The following CAMK2B variants were observed in gnomAD, a reference collection of about 807,000 sequenced individuals.
CAMK2B encodes calcium/calmodulin-dependent protein kinase type II subunit beta.
CAMK2B carries 27 observed loss-of-function variants against 93.7 expected under a neutral mutation model. The observed-to-expected ratio is 0.29, with a 90% confidence interval of 0.21 to 0.40. The LOEUF is 0.40. CAMK2B is among the 10% of genes least tolerant of loss of function. The pLI is 1.00. For missense variants in CAMK2B, 568 were observed against 895.8 expected (o/e 0.63, Z 4.67); for synonymous variants, 374 against 358.8 (o/e 1.04, Z -0.48).
intron 1 of CAMK2B, among the ~76,000 whole-genome samples, chr7:44,309,514 G>A (rs1400666703): frequency 6.6e-6 from 1 of 152,178 alleles, no homozygotes; most frequent in Non-Finnish European, 1.5e-5. Flanking sequence ...CCCCAGCTCC[G>A]TCGCGCCCCT....
chr7:44,239,509 C>A, intron 13 of CAMK2B, 80 bp downstream of exon 13: 1 of 1,337,108 alleles, frequency 7.5e-7, no homozygotes, highest in Non-Finnish European at 1.0e-6. Flanking sequence ...GCCCGGCCAG[C>A]GGCTGCGTGC....
chr7:44,305,915 T>A (rs1791348165), intron 1 of CAMK2B, among the ~76,000 whole-genome samples: 1 of 151,326 alleles, frequency 6.6e-6, no homozygotes, highest in Non-Finnish European at 1.5e-5. Context: ...GGCATCTTCA[T>A]ACCACAGAAA....
rs1283939299 is a variant in CAMK2B at position 44,286,493 on chromosome 7, G to A, written c.66-2268C>T. ...GGAGCAGGGAGGAGACCCAAGCGCA[G>A]CTTCCCACCAGCACAGCAGGCTCCC... is the stretch of plus-strand genomic sequence containing the variant. On this transcript the variant is annotated intron_variant, in intron 1 of 23. Transcript: ENST00000395749. This position sits in a 1 kb window ranked among gnomAD's most constrained non-coding sequence, Gnocchi z 4.0. Among the ~76,000 whole-genome samples the A allele has an allele frequency of 6.6e-6, 1 of 152,220 alleles. No homozygotes were observed. Among genetic ancestry groups the A allele is most frequent in the Non-Finnish European group, 1.5e-5 (1 of 68,040 alleles).
At chr7:44,296,218 T>C (rs1209696733) in intron 1 of CAMK2B, among the ~76,000 whole-genome samples, 1 of 152,096 alleles carries the variant, frequency 6.6e-6, no homozygotes, top group Non-Finnish European at 1.5e-5. Flanking sequence ...ATGGGAGAAG[T>C]GGACAACATA....
intron 2 of CAMK2B, chr7:44,264,083 C>T (rs753949051): frequency 6.5e-5 from 10 of 154,228 alleles, no homozygotes; most frequent in Admixed American, 6.5e-5. Flanking sequence ...GCCCCCTCTA[C>T]CTGCCCAGTG....
chr7:44,225,741 C>T lies in CAMK2B; in HGVS notation c.1597+775G>A. On this transcript the variant is annotated intron_variant, in intron 20 of 23. Coordinates refer to ENST00000395749, the MANE Select transcript of CAMK2B (RefSeq NM_001220.5). This position sits in a 1 kb window ranked among gnomAD's most constrained non-coding sequence, Gnocchi z 5.0. ...AGAGGGGACGGTGGCAAGCAGACCC[C>T]ACCTGTCCCTCAAGTACTTACCTAG... The T allele has an allele frequency of 7.8e-7, 1 of 1,289,436 alleles. No individual in the cohort carries two copies. Among genetic ancestry groups the T allele is most frequent in the Non-Finnish European group, 1.0e-6 (1 of 988,768 alleles). The allele number at this position is 1,289,436 out of a possible 1,614,324, so 79.9% of individuals were successfully genotyped here. A position where few individuals can be genotyped will look rare whatever the true frequency, so the allele number is the denominator to read the frequency against.
Position 44,228,926 on chromosome 7 carries a change from T to A in CAMK2B, c.1340-2A>T, listed in dbSNP as rs142386444. ...TCAGGATGTCAGAGATCCTGGGGGC[T>A]GGGGTGGAACAGATGAGACGTGAAC... On this transcript the variant is annotated splice_acceptor_variant, in intron 18 of 23. Transcript: ENST00000395749. LOFTEE classifies it high-confidence loss of function. The A allele has an allele frequency of 7.3e-5, 117 of 1,607,404 alleles. No homozygotes were observed. In the African/African-American group the frequency reaches 1.4e-3, roughly 20 times the overall value.
In CAMK2B at chr7:44,234,764, T is replaced by C; in HGVS notation, c.1022-88A>G. ...CCCACCCCTTTGCCTGACCCCACTC[T>C]TTCCCCAGGAGCAAGCCCAGGGTCC... On this transcript the variant is annotated intron_variant, in intron 13 of 23. Transcript: ENST00000395749. 3 of 1,410,550 alleles carry C rather than the reference T, an allele frequency of 2.1e-6. No homozygotes were observed. In the South Asian group the frequency reaches 3.6e-5, roughly 17 times the overall value. The allele number at this position is 1,410,550 out of a possible 1,614,324, so 87.4% of individuals were successfully genotyped here.
At chr7:44,229,265 G>A in intron 18 of CAMK2B, 123 bp downstream of exon 18, 2 of 669,746 alleles carry the variant, frequency 3.0e-6, no homozygotes, top group Admixed American at 3.1e-5. Flanking sequence ...GTGAGGGATT[G>A]TGGGGTGATG....
intron 1 of CAMK2B, among the ~76,000 whole-genome samples, chr7:44,299,491 G>A (rs1789291392): frequency 6.6e-6 from 1 of 152,082 alleles, no homozygotes; most frequent in African/African-American, 2.4e-5. Flanking sequence ...TATACATAAT[G>A]TTACTGAATT....
At chr7:44,240,989 C>T (rs1161417829) in intron 11 of CAMK2B, among the ~76,000 whole-genome samples, 2 of 152,206 alleles carry the variant, frequency 1.3e-5, no homozygotes, top group Non-Finnish European at 2.9e-5. Flanking sequence ...ACTACAGCTT[C>T]TAGCTGCTTC....
intron 18 of CAMK2B, 96 bp from the exon 19 acceptor site, chr7:44,229,020 G>C: frequency 8.6e-7 from 1 of 1,168,124 alleles, no homozygotes; most frequent in Non-Finnish European, 1.3e-6. Context: ...CCGTGTTCTA[G>C]ACCCCTTGGG....
At chr7:44,256,916 G>A (rs2096838962) in intron 4 of CAMK2B, among the ~76,000 whole-genome samples, 1 of 152,224 alleles carries the variant, frequency 6.6e-6, no homozygotes, top group Non-Finnish European at 1.5e-5. Flanking sequence ...GGGAGTTTGG[G>A]AAACTCAGTG....
intron 1 of CAMK2B, among the ~76,000 whole-genome samples, chr7:44,318,890 A>G (rs1322873369): frequency 6.6e-6 from 1 of 152,264 alleles, no homozygotes; most frequent in Non-Finnish European, 1.5e-5. Context: ...TCCACCAGGA[A>G]CTGAGCCCTC....
At chr7:44,230,498 C>T (rs2096568742) in intron 17 of CAMK2B, among the ~76,000 whole-genome samples, 2 of 152,158 alleles carry the variant, frequency 1.3e-5, no homozygotes, top group African/African-American at 4.8e-5. Context: ...ACACACAAGA[C>T]ATTGGCCTGG....
At chr7:44,306,889 G>C in intron 1 of CAMK2B, among the ~76,000 whole-genome samples, 1 of 140,158 alleles carries the variant, frequency 7.1e-6, no homozygotes, top group Admixed American at 7.0e-5. Context: ...GGAGGAGGGT[G>C]TGAGCAGGAA....
At chr7:44,301,740 G>A (rs1790101399) in intron 1 of CAMK2B, among the ~76,000 whole-genome samples, 1 of 151,736 alleles carries the variant, frequency 6.6e-6, no homozygotes, top group Admixed American at 6.6e-5. Flanking sequence ...TCGCGCCACT[G>A]CACTCCAGCC....
At chr7:44,323,639 A>C (rs1298139200) in intron 1 of CAMK2B, among the ~76,000 whole-genome samples, 3 of 152,220 alleles carry the variant, frequency 2.0e-5, no homozygotes, top group Non-Finnish European at 4.4e-5. Flanking sequence ...CTGGGTGCAC[A>C]TGGGGAGGTC....
At chr7:44,300,236 A>G (rs1206555861) in intron 1 of CAMK2B, among the ~76,000 whole-genome samples, 1 of 151,998 alleles carries the variant, frequency 6.6e-6, no homozygotes, top group Non-Finnish European at 1.5e-5. Flanking sequence ...GGGTCTTGGT[A>G]TGCTCCCTAG....
Sources: allele counts gnomAD v4.1 joint callset (sites outside exome capture counted in the v4.1 genomes callset), GRCh38; gene constraint gnomAD v4.1.1; non-coding constraint Gnocchi (gnomAD v3.1); transcripts MANE v1.5; gene names NCBI Gene and HGNC (gene_info 2026-07-23, HGNC 2026-07-21).